DAAM1: variants seen among roughly 807,000 people sequenced by gnomAD.
The protein encoded by DAAM1 is disheveled-associated activator of morphogenesis 1.
Under a neutral mutation model 130.0 loss-of-function variants are expected in DAAM1, and 52 were observed. The ratio of observed to expected loss-of-function variants is 0.40; its 90% CI spans 0.32 to 0.50. DAAM1 has a LOEUF of 0.50. Among genes scored for constraint, DAAM1 ranks in the 20% least tolerant of loss-of-function variants. DAAM1 has a pLI of 0.61. For synonymous variants in DAAM1, 452 were observed against 444.5 expected, an observed-to-expected ratio of 1.02 and a Z score of -0.21; for missense variants, 1,134 against 1,303.8, an observed-to-expected ratio of 0.87 and a Z score of 2.01.
intron 16 of DAAM1, 37 bp from the exon 17 acceptor site, chr14:59,347,502 A>G (rs750076344): frequency 6.3e-7 from 1 of 1,589,434 alleles, no homozygotes; most frequent in Non-Finnish European, 8.6e-7. Flanking sequence ...TTAATACTCA[A>G]ACCAATATGG....
At chr14:59,318,331 CTCTG>C (rs1185542264) in intron 4 of DAAM1, among the ~76,000 whole-genome samples, 1 of 151,916 alleles carries the variant, frequency 6.6e-6, no homozygotes, top group African/African-American at 2.4e-5. Flanking sequence ...ATTTGTGCCT[CTCTG>C]TCAGACCCGC....
chr14:59,344,574 C>G (rs1885994537), intron 16 of DAAM1, among the ~76,000 whole-genome samples: 1 of 152,134 alleles, frequency 6.6e-6, no homozygotes, highest in African/African-American at 2.4e-5. Context: ...TCCCCTTTCC[C>G]TTAAGGTAGG....
rs188223863 is a variant in DAAM1 at position 59,273,036 on chromosome 14, A to G, written c.183+9376A>G. On this transcript the variant is annotated intron_variant, in intron 2 of 24. Transcript: ENST00000360909. Reference sequence around the variant, plus strand: ...AACATTGCTTTGTTCCTAAAACAGTAGGGTTGGCAGTAGACTCTCATTTCA... The same window carrying G: ...AACATTGCTTTGTTCCTAAAACAGTGGGGTTGGCAGTAGACTCTCATTTCA... Among the ~76,000 whole-genome samples the G allele has an allele frequency of 2.3e-4, 35 of 152,284 alleles. 1 individual carries two copies. The East Asian group carries it at 6.2e-3, about 27-fold the overall frequency.
At chr14:59,257,579 G>A (rs1881960967) in intron 1 of DAAM1, among the ~76,000 whole-genome samples, 1 of 152,196 alleles carries the variant, frequency 6.6e-6, no homozygotes, top group Non-Finnish European at 1.5e-5. Flanking sequence ...AACCATTGCC[G>A]AGGACTGATG....
At chr14:59,307,680 G>A (rs190562232) in intron 3 of DAAM1, among the ~76,000 whole-genome samples, 14 of 152,276 alleles carry the variant, frequency 9.2e-5, no homozygotes, top group African/African-American at 3.4e-4. Context: ...GCCCTGGGGG[G>A]TCAGAGGAGG....
chr14:59,291,237 C>G lies in DAAM1; in HGVS notation c.204C>G (p.Asp68Glu), dbSNP rs1376814098. Residue 68 changes from aspartate (D) to glutamate (E), a missense_variant, in exon 3 of 25, where the codon GAC becomes GAG. Coordinates refer to ENST00000360909, the MANE Select transcript of DAAM1 (RefSeq NM_001270520.2). ...SELVDELDLT[D>E]KHREAMFALP... ...CTCAGGATGAACTGGACCTCACAGA[C>G]AAACACAGAGAAGCCATGTTTGCAC... 7 of 1,610,420 alleles carry G rather than the reference C, an allele frequency of 4.3e-6. No homozygotes were observed. Among genetic ancestry groups the G allele is most frequent in the South Asian group, 1.1e-5 (1 of 90,166 alleles).
In DAAM1 at chr14:59,322,896, G is replaced by A; in HGVS notation, c.445G>A (p.Val149Ile). The A allele has an allele frequency of 6.2e-7, 1 of 1,608,276 alleles. No individual in the cohort carries two copies. The highest frequency in any genetic ancestry group is 8.5e-7 in the Non-Finnish European group (1 of 1,176,194). ...TALRTKPMRF[V>I]TRFIDLDGLS... The stretch of plus-strand genomic sequence containing the variant: ...GTGCATTTCTCTTCATGACAGGTTT[G>A]TAACCAGATTCATCGACTTGGATGG... Residue 149 changes from valine to isoleucine, a missense_variant, in exon 6 of 25, where the codon GTA becomes ATA. This residue lies in a region of DAAM1 where 391 missense variants were observed against 521.6 expected (regional missense o/e 0.75). Transcript: ENST00000360909.
chr14:59,220,016 A>G (rs778203644), intron 1 of DAAM1, among the ~76,000 whole-genome samples: 42 of 152,182 alleles, frequency 2.8e-4, no homozygotes, highest in Non-Finnish European at 2.1e-4. Flanking sequence ...TTCGAAAAAT[A>G]CAGATTTTTT....
At chr14:59,278,224 A>G (rs1046444037) in intron 2 of DAAM1, among the ~76,000 whole-genome samples, 1 of 152,136 alleles carries the variant, frequency 6.6e-6, no homozygotes, top group South Asian at 2.1e-4. Context: ...AGGCATCACG[A>G]GGTAGTGTTA....
At chr14:59,335,975 T>C (rs1397656659) in intron 15 of DAAM1, among the ~76,000 whole-genome samples, 1 of 152,032 alleles carries the variant, frequency 6.6e-6, no homozygotes, top group Non-Finnish European at 1.5e-5. Context: ...GCTTGATCCT[T>C]AGCCATGGCA....
chr14:59,248,839 A>G (rs1881510403), intron 1 of DAAM1, among the ~76,000 whole-genome samples: 1 of 152,100 alleles, frequency 6.6e-6, no homozygotes. Flanking sequence ...GCTGGAGTGC[A>G]GTGGTGCGAT....
chr14:59,195,141 C>CTTTTTTTTTTTTTTTTTTTTTTTT (rs33934407), intron 1 of DAAM1, among the ~76,000 whole-genome samples: 1 of 98,172 alleles, frequency 1.0e-5, no homozygotes, highest in Admixed American at 1.1e-4. Flanking sequence ...TCTTGTTATA[C>CTTTTTTTTTTTTTTTTTTTTTTTT]TTTTTTTTTT....
At chr14:59,267,426 G>A (rs1027545279) in intron 2 of DAAM1, among the ~76,000 whole-genome samples, 1 of 151,972 alleles carries the variant, frequency 6.6e-6, no homozygotes, top group East Asian at 1.9e-4. Context: ...TGTAGGCAGG[G>A]GAACCAGAAT....
At chr14:59,286,649 C>T (rs560242148) in intron 2 of DAAM1, among the ~76,000 whole-genome samples, 2 of 152,154 alleles carry the variant, frequency 1.3e-5, no homozygotes, top group East Asian at 3.9e-4. Flanking sequence ...GAGACTGTTA[C>T]GAACACCTCT....
intron 23 of DAAM1, among the ~76,000 whole-genome samples, chr14:59,364,532 T>C (rs1203902126): frequency 6.7e-6 from 1 of 149,482 alleles, no homozygotes; most frequent in Non-Finnish European, 1.5e-5. Context: ...CAGTCTCTCA[T>C]TTTCTATCCT....
intron 2 of DAAM1, among the ~76,000 whole-genome samples, chr14:59,268,669 A>G (rs1436063471): frequency 2.0e-5 from 3 of 152,246 alleles, no homozygotes; most frequent in African/African-American, 7.2e-5. Context: ...GATATTTACA[A>G]ATAAAACCTA....
chr14:59,224,589 A>G (rs1259536040), intron 1 of DAAM1, among the ~76,000 whole-genome samples: 1 of 152,230 alleles, frequency 6.6e-6, no homozygotes, highest in Non-Finnish European at 1.5e-5. Flanking sequence ...TATCTGATTT[A>G]GATGGCATTT....
rs563967332 is a variant in DAAM1 at position 59,215,556 on chromosome 14, C to T, written c.-38+26788C>T. The stretch of plus-strand genomic sequence containing the variant: ...GCAGCCGCTGCAGGCTTGTTAAAGG[C>T]CTGCACCAGGCCGAAGTGTTTGCAT... On this transcript the variant is annotated intron_variant, in intron 1 of 24. Transcript: ENST00000360909. Among the ~76,000 whole-genome samples, 11 of 152,300 alleles carry T rather than the reference C, an allele frequency of 7.2e-5. No individual in the cohort carries two copies. In the South Asian group the frequency reaches 2.3e-3, roughly 32 times the overall value.
chr14:59,359,883 G>A (rs539660598), intron 21 of DAAM1, among the ~76,000 whole-genome samples: 3 of 152,310 alleles, frequency 2.0e-5, no homozygotes, highest in Admixed American at 6.5e-5. Context: ...TCTTTAATGG[G>A]AAGCATTCTT....
Sources: gnomAD v4.1 joint callset for allele counts (sites outside exome capture counted in the v4.1 genomes callset) on GRCh38, gnomAD v4.1.1 for gene constraint, gnomAD v4.1.1 regional missense constraint, MANE v1.5 for transcripts, NCBI Gene and HGNC (gene_info 2026-07-23, HGNC 2026-07-21) for gene names.